The following C11orf68 variants were observed in gnomAD, a reference collection of about 807,000 sequenced individuals.
The protein encoded by C11orf68 is UPF0696 protein C11orf68.
Under a neutral mutation model 4.7 loss-of-function variants are expected in C11orf68, and 3 were observed. The ratio of observed to expected loss-of-function variants is 0.64; its 90% confidence interval spans 0.29 to 1.66. The LOEUF (loss-of-function observed/expected upper bound fraction) is 1.66, where lower values mean the gene tolerates loss of function less well. C11orf68 is among the 40% of genes most tolerant of loss of function. The pLI, the probability that C11orf68 is intolerant of heterozygous loss-of-function variation, is 0.10. For synonymous variants in C11orf68, 186 were observed against 167.8 expected, an observed-to-expected ratio of 1.11 and a Z score of -0.84; for missense variants, 422 against 408.0, an observed-to-expected ratio of 1.03 and a Z score of -0.30.
Position 65,917,478 on chromosome 11 carries a change from T to C in C11orf68, c.863A>G (p.Asn288Ser). 6.2e-7 allele frequency: 1 copy of C among 1,612,140 alleles called. No individual in the cohort carries two copies. Among genetic ancestry groups the C allele is most frequent in the Non-Finnish European group, 8.5e-7 (1 of 1,179,004 alleles). Reference sequence around the variant, plus strand: ...GCCCCCCTAGGTCAGTTCCACGTTGTTGGCACGGTCAAGCACTCGGGAGCC... The same window carrying C: ...GCCCCCCTAGGTCAGTTCCACGTTGCTGGCACGGTCAAGCACTCGGGAGCC... ...ARGSRVLDRA[N>S]NVELT The change falls in exon 2 of 2, where the codon AAC becomes AGC. Residue 288 changes from asparagine to serine, a missense_variant. Physicochemically the swap from Asn to Ser is conservative, Grantham distance 46. Coordinates refer to ENST00000438576, the MANE Select transcript of C11orf68 (RefSeq NM_001135635.2).
Position 65,918,936 on chromosome 11 carries a change from G to T in C11orf68, c.96C>A (p.Ala32=). The change falls in exon 1 of 2, where the codon GCC becomes GCA. Residue 32 remains alanine (A), a synonymous_variant. Coordinates refer to ENST00000438576, the MANE Select transcript of C11orf68 (RefSeq NM_001135635.2). ...TCCGGCCTTCGCTGCGTTCGACGCC[G>T]GCCCAGCCCCGGGCCCGGCTCCGCT... ...RQERSRARGW[A]GVERSEGRSR... 1 of 1,251,884 alleles carries T rather than the reference G, an allele frequency of 8.0e-7. No homozygotes were observed. 77.5% of individuals were successfully genotyped at this position (1,251,884 alleles called of 1,614,324 possible).
In C11orf68 at chr11:65,917,481, G is replaced by T. The variant is rs767900253; in HGVS notation, c.860C>A (p.Ala287Asp). ...CCCCTAGGTCAGTTCCACGTTGTTG[G>T]CACGGTCAAGCACTCGGGAGCCACG... The part of the protein sequence containing the change: ...SARGSRVLDR[A>D]NNVELT Residue 287 changes from alanine (A) to aspartate (D), a missense_variant, in exon 2 of 2, where the codon GCC becomes GAC. Ala to Asp is a moderately radical substitution (Grantham distance 126). Coordinates refer to ENST00000438576, the MANE Select transcript of C11orf68 (RefSeq NM_001135635.2). 2.2e-5 allele frequency: 36 copies of T among 1,612,064 alleles called. No homozygotes were observed. The highest frequency in any genetic ancestry group is 3.0e-5 in the Non-Finnish European group (35 of 1,178,992).
chr11:65,918,705 C>A (rs1265618032), intron 1 of C11orf68, among the ~76,000 whole-genome samples: 3 of 152,226 alleles, frequency 2.0e-5, no homozygotes, highest in Non-Finnish European at 4.4e-5. Context: ...ATCGGGCCCA[C>A]TTACAGACGA....
chr11:65,919,006 A>ACGG lies in C11orf68; in HGVS notation c.23_25dup (p.Ala8dup). ...ACCGCCACCGCGCCCCACCCCCGCC[A>ACGG]CGGCCGCCGCCGCCGCCGCCGCCAT... is the stretch of plus-strand genomic sequence containing the variant. On this transcript the variant is annotated inframe_insertion, in exon 1 of 2. Transcript: ENST00000438576. 1 of 1,150,908 alleles carries ACGG rather than the reference A, an allele frequency of 8.7e-7. No homozygotes were observed. The allele number at this position is 1,150,908 out of a possible 1,614,324, so 71.3% of individuals were successfully genotyped here.
Position 65,917,402 on chromosome 11 carries a change from G to A in C11orf68, c.*57C>T. The A allele has an allele frequency of 1.9e-6, 3 of 1,551,830 alleles. No homozygotes were observed. The highest frequency in any genetic ancestry group is 2.6e-6 in the Non-Finnish European group (3 of 1,148,340). Reference sequence around the variant, plus strand: ...CCTTCATAGGACAAGGAGGAAGACAGGAGGATCCAACCCCAGCATGGAGGG... The same window carrying A: ...CCTTCATAGGACAAGGAGGAAGACAAGAGGATCCAACCCCAGCATGGAGGG... On this transcript the variant is annotated 3_prime_UTR_variant, in exon 2 of 2. Transcript: ENST00000438576.
chr11:65,917,764 C>T lies in C11orf68; in HGVS notation c.577G>A (p.Val193Ile). Reference sequence around the variant, plus strand: ...TTGGCCACCTGAAGCTGGCCTTCAACCACGGCCCGGGCAATGCCAGCCCAG... The same window carrying T: ...TTGGCCACCTGAAGCTGGCCTTCAATCACGGCCCGGGCAATGCCAGCCCAG... ...HAWAGIARAV[V>I]EGQLQVAKVS... The change falls in exon 2 of 2, where the codon GTT becomes ATT. Residue 193 changes from valine (V) to isoleucine (I), a missense_variant. Transcript: ENST00000438576. The T allele has an allele frequency of 6.2e-6, 10 of 1,613,018 alleles. No homozygotes were observed. The highest frequency in any genetic ancestry group is 7.6e-6 in the Non-Finnish European group (9 of 1,179,920).
chr11:65,918,992 G>A lies in C11orf68; in HGVS notation c.40C>T (p.Arg14Cys), dbSNP rs901981880. The A allele has an allele frequency of 1.5e-5, 17 of 1,167,548 alleles. No homozygotes were observed. The highest frequency in any genetic ancestry group is 4.8e-5 in the Admixed American group (1 of 21,042). The allele number at this position is 1,167,548 out of a possible 1,614,324, so 72.3% of individuals were successfully genotyped here. ...AAAAAVAGVG[R>C]GGGGAEPRQE... Reference sequence around the variant, plus strand: ...CGTGGCTCCGCGCCACCGCCACCGCGCCCCACCCCCGCCACGGCCGCCGCC... The same window carrying A: ...CGTGGCTCCGCGCCACCGCCACCGCACCCCACCCCCGCCACGGCCGCCGCC... Residue 14 changes from arginine (R) to cysteine (C), a missense_variant, in exon 1 of 2, where the codon CGC (arginine) becomes TGC (cysteine). Transcript: ENST00000438576.
At position 65,917,920 on chromosome 11, in the gene C11orf68, C is replaced by A; in HGVS notation, c.421G>T (p.Ala141Ser). 1 of 1,608,800 alleles carries A rather than the reference C, an allele frequency of 6.2e-7. No individual in the cohort carries two copies. The highest frequency in any genetic ancestry group is 1.1e-5 in the South Asian group (1 of 91,078). ...NSGDVQGLQA[A>S]WEALQTSGRP... ...CCACTGGTCTGCAGAGCTTCCCAGG[C>A]TGCCTGCAGGCCCTGCACGTCCCCG... is the stretch of plus-strand genomic sequence containing the variant. Residue 141 changes from alanine to serine, a missense_variant, in exon 2 of 2, where the codon GCC (alanine) becomes TCC (serine). Coordinates refer to ENST00000438576, the MANE Select transcript of C11orf68 (RefSeq NM_001135635.2).
In C11orf68 at chr11:65,917,297, C is replaced by T. The variant is rs542103402; in HGVS notation, c.*162G>A. ...CTGTGGGGCTTGTGTCAGCCCTGAA[C>T]AGAGGGCAGAAGTTCAAGGGGACTG... On this transcript the variant is annotated 3_prime_UTR_variant, in exon 2 of 2. Transcript: ENST00000438576. The T allele has an allele frequency of 1.6e-5, 14 of 895,922 alleles. No individual in the cohort carries two copies. The highest frequency in any genetic ancestry group is 5.0e-5 in the African/African-American group (3 of 59,724). The allele number at this position is 895,922 out of a possible 1,614,324, so 55.5% of individuals were successfully genotyped here.
chr11:65,917,269 A>C lies in C11orf68; in HGVS notation c.*190T>G. ...ATCCCTCAGGGAACCGGAGCCCCCC[A>C]GCCTGTGGGGCTTGTGTCAGCCCTG... is the stretch of plus-strand genomic sequence containing the variant. On this transcript the variant is annotated 3_prime_UTR_variant, in exon 2 of 2. Coordinates refer to ENST00000438576, the MANE Select transcript of C11orf68 (RefSeq NM_001135635.2). 1.4e-6 allele frequency: 1 copy of C among 703,826 alleles called. No homozygotes were observed. Among genetic ancestry groups the C allele is most frequent in the Non-Finnish European group, 2.4e-6 (1 of 422,780 alleles). 43.6% of individuals were successfully genotyped at this position (703,826 alleles called of 1,614,324 possible). A position where few individuals can be genotyped will look rare whatever the true frequency, so the allele number is the denominator to read the frequency against.
Sources: gnomAD v4.1 joint callset for allele counts (sites outside exome capture counted in the v4.1 genomes callset) on GRCh38, gnomAD v4.1.1 for gene constraint, MANE v1.5 for transcripts, NCBI Gene and HGNC (gene_info 2026-07-23, HGNC 2026-07-21) for gene names.